ZNF570: variants seen among roughly 807,000 people sequenced by gnomAD.
The protein encoded by ZNF570 is zinc finger protein 570.
Under a neutral mutation model 14.2 loss-of-function variants are expected in ZNF570, and 8 were observed. That is an observed-to-expected ratio of 0.56 (90% CI 0.33 to 1.02). The LOEUF is 1.02. ZNF570 is among the 50% of genes least tolerant of loss of function. ZNF570 has a pLI of 0.03. For missense variants in ZNF570, 559 were observed against 624.9 expected (o/e 0.89, Z 1.12); for synonymous variants, 202 against 207.6 (o/e 0.97, Z 0.23).
At chr19:37,482,334 C>G (rs2042096560) in intron 4 of ZNF570, among the ~76,000 whole-genome samples, 1 of 152,184 alleles carries the variant, frequency 6.6e-6, no homozygotes, top group African/African-American at 2.4e-5. Flanking sequence ...GTACAGGAAG[C>G]ATAGCGGCAT....
chr19:37,468,032 C>T (rs1176417430), upstream of ZNF570: 17 of 1,052,588 alleles, frequency 1.6e-5, no homozygotes, highest in Non-Finnish European at 2.4e-5. Context: ...CTAGCTGTGT[C>T]ATCTCAGACT....
chr19:37,471,557 T>C (rs2041965201), intron 2 of ZNF570, among the ~76,000 whole-genome samples: 2 of 152,192 alleles, frequency 1.3e-5, no homozygotes, highest in Admixed American at 6.5e-5. Context: ...TCAAATACCA[T>C]GTATATGCCA....
chr19:37,470,527 TCA>T, intron 2 of ZNF570, 140 bp downstream of exon 2: 1 of 757,580 alleles, frequency 1.3e-6, no homozygotes, highest in Middle Eastern at 3.2e-4. Flanking sequence ...CCCATCTTAT[TCA>T]AGATAAACGC....
At position 37,484,474 on chromosome 19, in the gene ZNF570, T is replaced by G; in HGVS notation, c.852T>G (p.Ser284Arg). 6.2e-7 allele frequency: 1 copy of G among 1,612,956 alleles called. No homozygotes were observed. The highest frequency in any genetic ancestry group is 8.5e-7 in the Non-Finnish European group (1 of 1,179,648). ...YECKECRKAF[S>R]QNAHLVQHLR... ...GTAAGGAATGTAGGAAAGCCTTCAG[T>G]CAGAATGCACACCTAGTTCAACATC... Residue 284 changes from serine (S) to arginine (R), a missense_variant, in exon 5 of 5, where the codon AGT (serine) becomes AGG (arginine). Coordinates refer to ENST00000330173, the MANE Select transcript of ZNF570 (RefSeq NM_144694.5).
At position 37,484,155 on chromosome 19, in the gene ZNF570, G is replaced by T. The variant is rs762885560; in HGVS notation, c.533G>T (p.Cys178Phe). 1 of 1,613,768 alleles carries T rather than the reference G, an allele frequency of 6.2e-7. No homozygotes were observed. Among genetic ancestry groups the T allele is most frequent in the East Asian group, 2.2e-5 (1 of 44,858 alleles). ...WGSFHQNPLLCTQKIIPKEEK... is the reference protein window; with the variant it reads ...WGSFHQNPLLFTQKIIPKEEK... ...AGTTTTCATCAGAACCCACTGCTTT[G>T]TACACAAAAGATAATCCCCAAAGAG... Residue 178 changes from cysteine to phenylalanine, a missense_variant, in exon 5 of 5, where the codon TGT becomes TTT. By Grantham distance (205) the Cys-to-Phe change is radical (BLOSUM62 -2). Transcript: ENST00000330173.
At chr19:37,469,217 C>G, upstream of ZNF570, 2 of 1,313,468 alleles carry the variant, frequency 1.5e-6, no homozygotes, top group Non-Finnish European at 1.9e-6. Flanking sequence ...TGTTACAAAC[C>G]CTGCGCGGAG....
chr19:37,469,681 T>A, intron 1 of ZNF570, 124 bp downstream of exon 1: 1 of 1,030,634 alleles, frequency 9.7e-7, no homozygotes, highest in Non-Finnish European at 1.4e-6. Context: ...AGCGGGCGAC[T>A]GTTCGCTGCA....
intron 1 of ZNF570, 81 bp downstream of exon 1, chr19:37,469,638 A>G: frequency 7.2e-7 from 1 of 1,382,974 alleles, no homozygotes; most frequent in Non-Finnish European, 9.9e-7. Flanking sequence ...AGTCAATGGC[A>G]CCGTGGAATG....
chr19:37,470,648 A>G (rs2041942766), intron 2 of ZNF570, among the ~76,000 whole-genome samples: 1 of 150,908 alleles, frequency 6.6e-6, no homozygotes, highest in Non-Finnish European at 1.5e-5. Flanking sequence ...ACTCAGTTCC[A>G]GCAACACTAG....
upstream of ZNF570, chr19:37,469,100 G>A: frequency 9.6e-7 from 1 of 1,044,476 alleles, no homozygotes; most frequent in Non-Finnish European, 1.2e-6. Context: ...GCTGGGCCCC[G>A]TCCCTGTGAC....
rs749609294 is a variant in ZNF570, at chr19:37,483,911, A to C, written c.289A>C (p.Thr97Pro). 18 of 1,611,758 alleles carry C rather than the reference A, an allele frequency of 1.1e-5. No individual in the cohort carries two copies. The highest frequency in any genetic ancestry group is 1.5e-5 in the Non-Finnish European group (18 of 1,179,178). ...WEPICETEELTPKQDFYEEHQ... is the reference protein window; with the variant it reads ...WEPICETEELPPKQDFYEEHQ... ...GCCTATATGTGAGACTGAAGAATTA[A>C]CCCCAAAGCAGGATTTTTATGAAGA... is the stretch of plus-strand genomic sequence containing the variant. The change falls in exon 5 of 5, where the codon ACC becomes CCC. Residue 97 changes from threonine (T) to proline (P), a missense_variant. Thr to Pro is a conservative substitution (Grantham distance 38). Transcript: ENST00000330173.
chr19:37,474,354 G>T (rs1436779965), intron 2 of ZNF570, among the ~76,000 whole-genome samples: 1 of 152,146 alleles, frequency 6.6e-6, no homozygotes, highest in East Asian at 1.9e-4. Context: ...AGCATTGTTA[G>T]CAGGAGCAGA....
upstream of ZNF570, chr19:37,467,923 G>T (rs190719205): frequency 3.3e-5 from 51 of 1,536,082 alleles, no homozygotes; most frequent in East Asian, 1.2e-3. Flanking sequence ...TGGACTTCTC[G>T]ATTGTGAGTG....
chr19:37,483,953 A>G lies in ZNF570; in HGVS notation c.331A>G (p.Ile111Val). The G allele has an allele frequency of 6.2e-7, 1 of 1,613,880 alleles. No homozygotes were observed. Among genetic ancestry groups the G allele is most frequent in the South Asian group, 1.1e-5 (1 of 91,078 alleles). ...DFYEEHQSQK[I>V]IETLTSYNLE... ...TTATGAAGAACATCAATCCCAGAAG[A>G]TAATAGAAACACTTACAAGCTATAA... Residue 111 changes from isoleucine (I) to valine (V), a missense_variant, in exon 5 of 5, where the codon ATA (isoleucine) becomes GTA (valine). Ile to Val is a conservative substitution (Grantham distance 29). Coordinates refer to ENST00000330173, the MANE Select transcript of ZNF570 (RefSeq NM_144694.5).
intron 4 of ZNF570, 109 bp downstream of exon 4, chr19:37,476,543 G>T: frequency 2.9e-6 from 4 of 1,364,060 alleles, no homozygotes; most frequent in South Asian, 2.1e-5. Flanking sequence ...AAATGTTCTA[G>T]GTTTTCATAA....
intron 3 of ZNF570, 112 bp downstream of exon 3, chr19:37,476,119 A>G (rs2042020644): frequency 6.9e-7 from 1 of 1,453,382 alleles, no homozygotes; most frequent in Non-Finnish European, 9.2e-7. Context: ...TCTGCTGCCT[A>G]TGCCAAACAA....
intron 4 of ZNF570, among the ~76,000 whole-genome samples, chr19:37,479,713 C>A (rs1157412079): frequency 1.3e-5 from 2 of 151,882 alleles, no homozygotes; most frequent in African/African-American, 4.8e-5. Flanking sequence ...TTTTATTTTT[C>A]TAGTGAATTC....
rs182156594 is a variant in ZNF570, at chr19:37,472,823, G to A, written c.33+2436G>A. ...ATAACTGACAAAGTTTCAGAAAGAT[G>A]GATATATGTTGGCAGGCTGATGTTA... On this transcript the variant is annotated intron_variant, in intron 2 of 4. Coordinates refer to ENST00000330173, the MANE Select transcript of ZNF570 (RefSeq NM_144694.5). Among the ~76,000 whole-genome samples the A allele has an allele frequency of 2.6e-5, 4 of 152,108 alleles. No homozygotes were observed. The East Asian group carries it at 7.7e-4, about 29-fold the overall frequency.
intron 4 of ZNF570, among the ~76,000 whole-genome samples, chr19:37,481,616 A>G (rs1436004296): frequency 6.6e-6 from 1 of 152,192 alleles, no homozygotes; most frequent in Non-Finnish European, 1.5e-5. Context: ...TGATGTATCT[A>G]GATGTAAATT....
Sources: gnomAD v4.1 joint callset for allele counts (sites outside exome capture counted in the v4.1 genomes callset) on GRCh38, gnomAD v4.1.1 for gene constraint, MANE v1.5 for transcripts, NCBI Gene and HGNC (gene_info 2026-07-23, HGNC 2026-07-21) for gene names.